The following DOCK3 variants were observed in gnomAD, a reference collection of about 807,000 sequenced individuals.
The protein encoded by DOCK3 is dedicator of cytokinesis 3, also known as dedicator of cytokinesis protein 3.
Under a neutral mutation model 265.6 loss-of-function variants are expected in DOCK3, and 60 were observed. The ratio of observed to expected loss-of-function variants is 0.23; its 90% CI spans 0.18 to 0.28. DOCK3 has a LOEUF of 0.28. Among genes scored for constraint, DOCK3 ranks in the 10% least tolerant of loss-of-function variants. The pLI is 1.00. For missense variants in DOCK3, 1,981 were observed against 2,594.3 expected (o/e 0.76, Z 5.14); for synonymous variants, 881 against 938.0 (o/e 0.94, Z 1.11).
chr3:50,720,648 A>G (rs1334751507), intron 1 of DOCK3, among the ~76,000 whole-genome samples: 1 of 152,084 alleles, frequency 6.6e-6, no homozygotes, highest in African/African-American at 2.4e-5. Context: ...TCCTTTGGAT[A>G]TATACCCAGT....
intron 1 of DOCK3, among the ~76,000 whole-genome samples, chr3:50,690,428 C>T (rs568548154): frequency 6.6e-6 from 1 of 152,198 alleles, no homozygotes; most frequent in South Asian, 2.1e-4. Context: ...GCCATTGTGC[C>T]CTGCCCATTT....
chr3:50,932,715 G>T (rs747067526), intron 4 of DOCK3, among the ~76,000 whole-genome samples: 3 of 152,106 alleles, frequency 2.0e-5, no homozygotes, highest in Non-Finnish European at 2.9e-5. Context: ...TCGTTTGCAG[G>T]TGGCACCATA....
chr3:50,980,512 G>T (rs1008545641), intron 5 of DOCK3, among the ~76,000 whole-genome samples: 1 of 152,090 alleles, frequency 6.6e-6, no homozygotes, highest in African/African-American at 2.4e-5. Flanking sequence ...TCAGTTTTTT[G>T]AAATAGTTTG....
chr3:50,878,451 G>C (rs2047833612), intron 3 of DOCK3, among the ~76,000 whole-genome samples: 1 of 152,210 alleles, frequency 6.6e-6, no homozygotes, highest in Non-Finnish European at 1.5e-5. Flanking sequence ...TGATGGAGCT[G>C]AAAACCATGG....
chr3:50,895,866 A>G (rs576534776), intron 4 of DOCK3, among the ~76,000 whole-genome samples: 9 of 152,222 alleles, frequency 5.9e-5, no homozygotes, highest in Admixed American at 5.2e-4. Context: ...TTATGGCTGC[A>G]TAGTATTCCG....
chr3:51,230,539 A>T (rs1001407501), intron 19 of DOCK3, among the ~76,000 whole-genome samples: 3 of 151,688 alleles, frequency 2.0e-5, no homozygotes, highest in African/African-American at 7.3e-5. Flanking sequence ...TTTTTTTGAG[A>T]CAGAGTCTCA....
At chr3:51,243,060 C>G (rs1486778936) in intron 21 of DOCK3, among the ~76,000 whole-genome samples, 1 of 152,178 alleles carries the variant, frequency 6.6e-6, no homozygotes, top group East Asian at 1.9e-4. Context: ...TAGGAGAGGC[C>G]AGCCAACCAA....
chr3:50,967,790 T>C (rs140112103), intron 5 of DOCK3, among the ~76,000 whole-genome samples: 18 of 152,276 alleles, frequency 1.2e-4, no homozygotes, highest in African/African-American at 3.9e-4. Context: ...ACCACCCCCA[T>C]GATTCAGTTA....
intron 23 of DOCK3, among the ~76,000 whole-genome samples, chr3:51,263,641 T>C (rs970462583): frequency 6.6e-6 from 1 of 151,884 alleles, no homozygotes; most frequent in African/African-American, 2.4e-5. Flanking sequence ...GGATAAAGAG[T>C]CAAGACCCAT....
chr3:50,995,266 A>G (rs1358221087), intron 5 of DOCK3, among the ~76,000 whole-genome samples: 4 of 152,240 alleles, frequency 2.6e-5, no homozygotes, highest in Non-Finnish European at 4.4e-5. Context: ...CTGTCTGGCA[A>G]GAGTTGCCAG....
At chr3:51,139,794 G>T (rs1364757359) in intron 9 of DOCK3, among the ~76,000 whole-genome samples, 1 of 152,250 alleles carries the variant, frequency 6.6e-6, no homozygotes, top group Non-Finnish European at 1.5e-5. Flanking sequence ...TTTAGGCTAA[G>T]ATCTGAAGGA....
chr3:50,864,629 A>G lies in DOCK3; in HGVS notation c.162+22914A>G, dbSNP rs189075086. Among the ~76,000 whole-genome samples the G allele has an allele frequency of 2.0e-5, 3 of 152,132 alleles. No homozygotes were observed. The East Asian group carries it at 5.8e-4, about 29-fold the overall frequency. On this transcript the variant is annotated intron_variant, in intron 3 of 52. Coordinates refer to ENST00000266037, the MANE Select transcript of DOCK3 (RefSeq NM_004947.5). Reference sequence around the variant, plus strand: ...TTGAGTTGATTTTTGTATATGGTTGAAGATGGGGATCTAGTTTGGTTCTTC... The same window carrying G: ...TTGAGTTGATTTTTGTATATGGTTGGAGATGGGGATCTAGTTTGGTTCTTC...
intron 5 of DOCK3, among the ~76,000 whole-genome samples, chr3:50,939,373 T>A (rs1379171179): frequency 6.6e-6 from 1 of 152,064 alleles, no homozygotes; most frequent in Non-Finnish European, 1.5e-5. Flanking sequence ...ACTTCCTAAT[T>A]CATCTTATGA....
At chr3:51,318,075 G>A (rs2083472508) in intron 32 of DOCK3, among the ~76,000 whole-genome samples, 1 of 152,088 alleles carries the variant, frequency 6.6e-6, no homozygotes, top group Non-Finnish European at 1.5e-5. Flanking sequence ...TGGGATTGCA[G>A]TGATTCTATA....
chr3:51,305,716 CTGTG>C (rs574341888), intron 27 of DOCK3, among the ~76,000 whole-genome samples: 1 of 66,954 alleles, frequency 1.5e-5, no homozygotes, highest in East Asian at 4.2e-4. Flanking sequence ...GTGTGTGTGT[CTGTG>C]TGTGTGTGTG....
At chr3:51,211,358 C>CT (rs931534592) in intron 13 of DOCK3, among the ~76,000 whole-genome samples, 42 of 151,546 alleles carry the variant, frequency 2.8e-4, no homozygotes, top group Non-Finnish European at 5.0e-4. Flanking sequence ...TATTTTCTTT[C>CT]TTTTTTTTAA....
intron 5 of DOCK3, among the ~76,000 whole-genome samples, chr3:50,968,387 G>T (rs1298676030): frequency 6.6e-6 from 1 of 152,170 alleles, no homozygotes; most frequent in Non-Finnish European, 1.5e-5. Context: ...TTCCATGGAT[G>T]TAGTGTGTAA....
intron 22 of DOCK3, among the ~76,000 whole-genome samples, chr3:51,253,712 AC>A (rs1359641948): frequency 1.3e-5 from 2 of 151,640 alleles, no homozygotes; most frequent in African/African-American, 4.8e-5. Context: ...TGGCGATATC[AC>A]CTTTGTCATT....
chr3:50,783,925 T>G (rs1380261031), intron 2 of DOCK3, among the ~76,000 whole-genome samples: 2 of 151,326 alleles, frequency 1.3e-5, no homozygotes, highest in African/African-American at 4.9e-5. Context: ...TGGGGTGCAG[T>G]GGCATGATCT....
Sources: allele counts gnomAD v4.1 joint callset (sites outside exome capture counted in the v4.1 genomes callset), GRCh38; gene constraint gnomAD v4.1.1; transcripts MANE v1.5; gene names NCBI Gene and HGNC (gene_info 2026-07-23, HGNC 2026-07-21).